Variants in XYLB observed in about 807,000 individuals in gnomAD.
The protein encoded by XYLB is xylulokinase.
XYLB carries 62 observed loss-of-function variants against 78.7 expected under a neutral mutation model. The observed-to-expected ratio is 0.79, with a 90% CI of 0.64 to 0.97. XYLB has a LOEUF of 0.97. XYLB is among the 50% of genes least tolerant of loss of function. The pLI is 0.00. For missense variants in XYLB, 687 were observed against 676.8 expected (o/e 1.02, Z -0.17); for synonymous variants, 245 against 247.4 (o/e 0.99, Z 0.09).
chr3:38,398,629 C>A (rs985693014), intron 17 of XYLB, among the ~76,000 whole-genome samples: 4 of 151,376 alleles, frequency 2.6e-5, no homozygotes, highest in Non-Finnish European at 5.9e-5. Flanking sequence ...TTTATTCACA[C>A]TTACCTATGA....
the XYLB span, among the ~76,000 whole-genome samples, chr3:38,428,999 TTTCTGCTGACAGACC>T: frequency 2.0e-5 from 3 of 152,240 alleles, no homozygotes; most frequent in Non-Finnish European, 2.9e-5. Flanking sequence ...GACAGATAGC[TTTCTGCTGACAGACC>T]CTTCAGGGAT....
chr3:38,395,409 C>G (rs576572693), intron 15 of XYLB, 96 bp from the exon 16 acceptor site: 84 of 1,133,790 alleles, frequency 7.4e-5, no homozygotes, highest in Middle Eastern at 3.9e-4. Flanking sequence ...ATTGGCCCAT[C>G]ATGAGCCCTC....
At chr3:38,367,970 A>G (rs1706351035) in intron 7 of XYLB, among the ~76,000 whole-genome samples, 1 of 152,124 alleles carries the variant, frequency 6.6e-6, no homozygotes, top group Non-Finnish European at 1.5e-5. Flanking sequence ...GGCCCATCAG[A>G]AACTGTAGAG....
At chr3:38,396,400 C>G (rs996203394) in intron 16 of XYLB, among the ~76,000 whole-genome samples, 2 of 152,184 alleles carry the variant, frequency 1.3e-5, no homozygotes, top group African/African-American at 4.8e-5. Flanking sequence ...ACAGGCCACC[C>G]TGGGGAGGTT....
downstream of XYLB, among the ~76,000 whole-genome samples, chr3:38,425,496 G>A (rs1003883197): frequency 6.6e-6 from 1 of 152,170 alleles, no homozygotes; most frequent in Non-Finnish European, 1.5e-5. Flanking sequence ...ACTAAATCTA[G>A]CATTATTAAC....
In XYLB at chr3:38,412,948, C is replaced by G; in HGVS notation, c.1546C>G (p.Leu516Val). The G allele has an allele frequency of 4.4e-6, 7 of 1,602,430 alleles. No individual in the cohort carries two copies. The highest frequency in any genetic ancestry group is 6.0e-6 in the Non-Finnish European group (7 of 1,175,064). ...TCTGCCCTTCTAGGTCTACGAGGCC[C>G]TTCTCCCCCAGTATGCCAAACTCGA... ...SPGASQVYEA[L>V]LPQYAKLEQR... The change falls in exon 19 of 19, where the codon CTT becomes GTT. Residue 516 changes from leucine to valine, a missense_variant. Leu to Val is a conservative substitution (Grantham distance 32). Transcript: ENST00000207870.
chr3:38,420,059 C>T (rs912802628), exon 18 of XYLB, among the ~76,000 whole-genome samples: 6 of 152,122 alleles, frequency 3.9e-5, no homozygotes, highest in Non-Finnish European at 7.4e-5. Context: ...ACCTTGTGAT[C>T]CACCCGCCTC....
the XYLB span, among the ~76,000 whole-genome samples, chr3:38,437,311 C>T: frequency 6.6e-6 from 1 of 152,082 alleles, no homozygotes; most frequent in Admixed American, 6.6e-5. Flanking sequence ...TAACATCATA[C>T]TGCATGGAGA....
At chr3:38,349,249 A>G (rs547735971) in intron 2 of XYLB, among the ~76,000 whole-genome samples, 14 of 152,372 alleles carry the variant, frequency 9.2e-5, no homozygotes, top group African/African-American at 1.4e-4. Flanking sequence ...AAGAAAGCCA[A>G]TGATGCTGGG....
chr3:38,406,964 A>G (rs1218347261), intron 18 of XYLB, among the ~76,000 whole-genome samples: 1 of 149,964 alleles, frequency 6.7e-6, no homozygotes, highest in African/African-American at 2.4e-5. Flanking sequence ...ACTCTGCAGG[A>G]TATTATCCAG....
At chr3:38,428,873 A>G in the XYLB span, among the ~76,000 whole-genome samples, 1 of 151,916 alleles carries the variant, frequency 6.6e-6, no homozygotes, top group African/African-American at 2.4e-5. Flanking sequence ...ATTTTTTGTT[A>G]TCTCATTTTA....
At chr3:38,412,229 G>C (rs1403048291) in intron 18 of XYLB, among the ~76,000 whole-genome samples, 2 of 152,152 alleles carry the variant, frequency 1.3e-5, no homozygotes, top group African/African-American at 4.8e-5. Flanking sequence ...GGCCTCAGGT[G>C]ATCCACCCGC....
intron 2 of XYLB, chr3:38,356,453 C>A (rs1180464922): frequency 6.6e-6 from 1 of 152,194 alleles, no homozygotes; most frequent in Admixed American, 6.5e-5. Context: ...TGTATAGTCC[C>A]CCTCCTGCCA....
At chr3:38,450,211 G>A in the XYLB span, among the ~76,000 whole-genome samples, 2 of 152,324 alleles carry the variant, frequency 1.3e-5, no homozygotes, top group African/African-American at 4.8e-5. Flanking sequence ...GAAACTGAGA[G>A]AGGGTGAGGC....
chr3:38,398,680 T>G (rs531756839), intron 17 of XYLB, among the ~76,000 whole-genome samples: 31 of 143,128 alleles, frequency 2.2e-4, no homozygotes, highest in Non-Finnish European at 3.7e-4. Context: ...CTGCCTGCCT[T>G]CCTTCCTTCC....
At chr3:38,450,197 C>G in the XYLB span, among the ~76,000 whole-genome samples, 2 of 152,266 alleles carry the variant, frequency 1.3e-5, no homozygotes, top group South Asian at 4.2e-4. Flanking sequence ...ACCAGGGCCT[C>G]TCAGAAACTG....
At chr3:38,354,547 G>C in intron 2 of XYLB, among the ~76,000 whole-genome samples, 1 of 150,996 alleles carries the variant, frequency 6.6e-6, no homozygotes. Context: ...CTGGAGCCCA[G>C]GTTGAAGTGC....
In XYLB at chr3:38,348,535, T is replaced by G; in HGVS notation, c.58-15T>G. 6.2e-7 allele frequency: 1 copy of G among 1,613,956 alleles called. No homozygotes were observed. The highest frequency in any genetic ancestry group is 1.1e-5 in the South Asian group (1 of 91,080). ...GAGGAAAATTCTACACTTCCTTTTT[T>G]AAAATGCCTTTCAGGTAAAGGTTGT... On this transcript the variant is annotated splice_polypyrimidine_tract_variant and intron_variant, in intron 1 of 18. Coordinates refer to ENST00000207870, the MANE Select transcript of XYLB (RefSeq NM_005108.4).
Position 38,348,615 on chromosome 3 carries a change from A to C in XYLB, c.123A>C (p.Arg41Ser). The change falls in exon 2 of 19, where the codon AGA (arginine) becomes AGC (serine). Residue 41 changes from arginine to serine, a missense_variant. By Grantham distance (110) the Arg-to-Ser change is moderately radical. Coordinates refer to ENST00000207870, the MANE Select transcript of XYLB (RefSeq NM_005108.4). ...ATGAGGAAAGTGTGCATTTTGACAG[A>C]GATCTTCCAGAATTTGGGTATGTAC... is the stretch of plus-strand genomic sequence containing the variant. ...VFYEESVHFD[R>S]DLPEFGTQGG... 1 of 1,614,160 alleles carries C rather than the reference A, an allele frequency of 6.2e-7. No individual in the cohort carries two copies. The highest frequency in any genetic ancestry group is 8.5e-7 in the Non-Finnish European group (1 of 1,180,036).
Sources: gnomAD v4.1 joint callset for allele counts (sites outside exome capture counted in the v4.1 genomes callset) on GRCh38, gnomAD v4.1.1 for gene constraint, MANE v1.5 for transcripts, NCBI Gene and HGNC (gene_info 2026-07-23, HGNC 2026-07-21) for gene names.